Variants in DENND4A observed in about 807,000 individuals in gnomAD.
DENND4A encodes DENN domain containing 4A.
Under a neutral mutation model 199.3 loss-of-function variants are expected in DENND4A, and 70 were observed. That is an observed-to-expected ratio of 0.35 (90% CI 0.29 to 0.43). DENND4A has a LOEUF of 0.43. Ranked by LOEUF, DENND4A falls within the 20% of genes least tolerant of loss-of-function variation. DENND4A has a pLI of 1.00. For synonymous variants in DENND4A, 686 were observed against 766.9 expected (o/e 0.89, Z 1.74); for missense variants, 1,723 against 2,255.8 (o/e 0.76, Z 4.78).
intron 12 of DENND4A, among the ~76,000 whole-genome samples, chr15:65,719,023 G>A (rs529788680): frequency 6.6e-6 from 1 of 151,376 alleles, no homozygotes; most frequent in African/African-American, 2.4e-5. Flanking sequence ...CAGGTGATCC[G>A]CCTACCTTGG....
intron 8 of DENND4A, among the ~76,000 whole-genome samples, chr15:65,731,937 CT>C (rs770831838): frequency 3.9e-5 from 6 of 152,040 alleles, no homozygotes; most frequent in Non-Finnish European, 8.8e-5. Flanking sequence ...ATGGTTTCCC[CT>C]GATGCCATTT....
At chr15:65,716,930 T>C (rs986148645) in intron 13 of DENND4A, among the ~76,000 whole-genome samples, 2 of 152,170 alleles carry the variant, frequency 1.3e-5, no homozygotes, top group East Asian at 1.9e-4. Context: ...TTTTTAATGA[T>C]TGCCATTCTA....
At chr15:65,786,087 GTATA>G (rs1238249044) in intron 1 of DENND4A, among the ~76,000 whole-genome samples, 1 of 152,108 alleles carries the variant, frequency 6.6e-6, no homozygotes, top group Non-Finnish European at 1.5e-5. Flanking sequence ...TGACAGTCAG[GTATA>G]TGACCTGGAG....
At chr15:65,703,431 G>A (rs980777156) in intron 15 of DENND4A, among the ~76,000 whole-genome samples, 2 of 152,214 alleles carry the variant, frequency 1.3e-5, no homozygotes, top group African/African-American at 2.4e-5. Context: ...CATATTTACT[G>A]TTGAACCTCC....
intron 14 of DENND4A, among the ~76,000 whole-genome samples, chr15:65,713,615 T>C (rs2075308555): frequency 1.3e-5 from 2 of 152,340 alleles, no homozygotes; most frequent in South Asian, 2.1e-4. Context: ...TGGTTTCTTA[T>C]TTTACTCAAT....
chr15:65,775,092 T>A (rs2077245420), intron 1 of DENND4A, among the ~76,000 whole-genome samples: 1 of 152,120 alleles, frequency 6.6e-6, no homozygotes, highest in African/African-American at 2.4e-5. Context: ...ATCCACTGCA[T>A]GAAGGTCCAG....
At chr15:65,670,216 G>A in intron 25 of DENND4A, 28 bp from the exon 26 acceptor site, 6 of 1,443,070 alleles carry the variant, frequency 4.2e-6, no homozygotes, top group Non-Finnish European at 5.5e-6. Flanking sequence ...ACTTTATAAA[G>A]AAAGCTGGTT....
rs1299921161 is a variant in DENND4A, at chr15:65,715,478, T to C, written c.1953A>G (p.Lys651=). The C allele has an allele frequency of 6.2e-7, 1 of 1,607,318 alleles. No homozygotes were observed. Among genetic ancestry groups the C allele is most frequent in the African/African-American group, 1.3e-5 (1 of 74,532 alleles). ...GCATTGTAGATGTACTGTTACTTAC[T>C]TTATCTACACAATCATCAAAAAATG... ...SLAFFDDCVD[K]VDMDKSGEVR... is the part of the protein sequence containing the mutation. Residue 651 remains lysine (K), a splice_region_variant and synonymous_variant, in exon 14 of 33, where the codon AAA becomes AAG. Transcript: ENST00000443035.
intron 20 of DENND4A, among the ~76,000 whole-genome samples, chr15:65,697,710 C>A (rs570598029): frequency 9.9e-4 from 150 of 152,268 alleles, no homozygotes; most frequent in African/African-American, 3.5e-3. Flanking sequence ...AAGTCCATGA[C>A]CTTTCTAGTT....
rs530502969 is a variant in DENND4A at position 65,749,422 on chromosome 15, GTGTA to G, written c.561+2953_561+2956del. Among the ~76,000 whole-genome samples the G allele has an allele frequency of 1.1e-3, 169 of 152,276 alleles. 1 individual carries two copies. Among genetic ancestry groups the G allele is most frequent in the African/African-American group, 3.6e-3 (151 of 41,548 alleles). On this transcript the variant is annotated intron_variant, in intron 4 of 32. Coordinates refer to ENST00000443035, the MANE Select transcript of DENND4A (RefSeq NM_001320835.1). ...TATTGAATGTGAAATACTTAGAACG[GTGTA>G]TAGCACAGAAGAGCTAAATAAATGT...
intron 2 of DENND4A, among the ~76,000 whole-genome samples, chr15:65,756,882 C>T (rs568698521): frequency 2.0e-5 from 3 of 151,880 alleles, no homozygotes; most frequent in Non-Finnish European, 4.4e-5. Flanking sequence ...CTAAAAATAC[C>T]AAAAATTAGC....
chr15:65,754,803 G>A (rs939638809), intron 3 of DENND4A, among the ~76,000 whole-genome samples: 13 of 152,338 alleles, frequency 8.5e-5, no homozygotes, highest in Admixed American at 2.6e-4. Flanking sequence ...CTCATGTACC[G>A]CAAGTGGGAA....
At chr15:65,785,843 C>G (rs1019240959) in intron 1 of DENND4A, among the ~76,000 whole-genome samples, 1 of 152,002 alleles carries the variant, frequency 6.6e-6, no homozygotes, top group Non-Finnish European at 1.5e-5. Context: ...CCATATTGGT[C>G]ACTGTTCAAG....
rs185363567 is a variant in DENND4A at position 65,665,489 on chromosome 15, A to C, written c.5242-27T>G. The C allele has an allele frequency of 9.5e-5, 146 of 1,534,900 alleles. No homozygotes were observed. In the East Asian group the frequency reaches 2.7e-3, roughly 28 times the overall value. On this transcript the variant is annotated intron_variant, in intron 29 of 32. Coordinates refer to ENST00000443035, the MANE Select transcript of DENND4A (RefSeq NM_001320835.1). ...TGTGTTATACAATAAACATTCATTA[A>C]TGATCCTTACATGATAATTTTTCAT... is the stretch of plus-strand genomic sequence containing the variant.
chr15:65,756,716 G>C (rs1280357954), intron 2 of DENND4A, among the ~76,000 whole-genome samples: 1 of 152,178 alleles, frequency 6.6e-6, no homozygotes. Context: ...CATTACCTAA[G>C]TAGACAACAA....
At chr15:65,757,268 G>A (rs144595944) in intron 2 of DENND4A, among the ~76,000 whole-genome samples, 2 of 148,536 alleles carry the variant, frequency 1.3e-5, no homozygotes, top group East Asian at 2.0e-4. Context: ...GAGATGGGGG[G>A]GGGGGGGTCT....
intron 4 of DENND4A, among the ~76,000 whole-genome samples, chr15:65,743,334 T>C (rs4553574): frequency 0.2 from 30,099 of 152,124 alleles, 4,005 homozygotes; most frequent in East Asian, 0.73. Context: ...TTTTCCTTAT[T>C]GTTCCTAAAA....
intron 22 of DENND4A, among the ~76,000 whole-genome samples, chr15:65,694,082 T>C (rs1596455762): frequency 6.6e-6 from 1 of 152,114 alleles, no homozygotes; most frequent in East Asian, 1.9e-4. Flanking sequence ...TAGAGAAACA[T>C]CTCAGAATTA....
intron 1 of DENND4A, among the ~76,000 whole-genome samples, chr15:65,769,025 C>T (rs1041150891): frequency 6.6e-6 from 1 of 151,676 alleles, no homozygotes; most frequent in African/African-American, 2.4e-5. Flanking sequence ...AAAAAAAACC[C>T]CCACAATTTT....
Sources: gnomAD v4.1 joint callset for allele counts (sites outside exome capture counted in the v4.1 genomes callset) on GRCh38, gnomAD v4.1.1 for gene constraint, MANE v1.5 for transcripts, NCBI Gene and HGNC (gene_info 2026-07-23, HGNC 2026-07-21) for gene names.